Variants in ABI3BP observed in about 807,000 individuals in gnomAD.
ABI3BP encodes target of Nesh-SH3.
A neutral mutation model predicts 268.6 loss-of-function variants in ABI3BP; 216 were observed. The ratio of observed to expected loss-of-function variants is 0.80; its 90% CI spans 0.72 to 0.90. ABI3BP has a LOEUF of 0.90. Ranked by LOEUF, ABI3BP falls within the 40% of genes least tolerant of loss-of-function variation. The probability of loss-of-function intolerance (pLI) is 0.00; values close to 1 mark genes in which losing one functional copy is unlikely to be tolerated. For missense variants in ABI3BP, 2,090 were observed against 2,182.4 expected (o/e 0.96, Z 0.84); for synonymous variants, 730 against 730.0 (o/e 1.00, Z 0.00).
rs2098520609 is a variant in ABI3BP at position 100,833,146 on chromosome 3, T to C, written c.2293A>G (p.Ile765Val). 3.3e-6 allele frequency: 5 copies of C among 1,534,720 alleles called. No homozygotes were observed. The highest frequency in any genetic ancestry group is 3.5e-6 in the Non-Finnish European group (4 of 1,146,062). The change falls in exon 30 of 68, where the codon ATT (isoleucine) becomes GTT (valine). Residue 765 changes from isoleucine (I) to valine (V), a missense_variant. Coordinates refer to ENST00000471714, the MANE Select transcript of ABI3BP (RefSeq NM_001375547.2). The stretch of plus-strand genomic sequence containing the variant: ...TTACCTGAAGATGTCCCAGGAGTAA[T>C]AGGTCCAAAGTCTGTAGCAAGAAAT... The part of the protein sequence containing the change: ...TLQTKLDFGP[I>V]TPGTSSAPTT...
chr3:100,797,573 T>A (rs1479780249), intron 51 of ABI3BP, among the ~76,000 whole-genome samples: 1 of 151,910 alleles, frequency 6.6e-6, no homozygotes, highest in Non-Finnish European at 1.5e-5. Context: ...TTTTTTTTTT[T>A]TTTTTTTATT....
chr3:100,864,403 C>G, intron 11 of ABI3BP: 1 of 350,434 alleles, frequency 2.9e-6, no homozygotes, highest in South Asian at 5.8e-5. Context: ...CCATGAAATT[C>G]TTGTTTAAAA....
At chr3:100,816,623 T>G in intron 43 of ABI3BP, 65 bp downstream of exon 43, 1 of 1,305,552 alleles carries the variant, frequency 7.7e-7, no homozygotes, top group Non-Finnish European at 1.1e-6. Flanking sequence ...CTTTAGGACT[T>G]TATTGGGACA....
At chr3:100,837,297 T>C (rs1003026384) in intron 26 of ABI3BP, 126 bp from the exon 27 acceptor site, 8 of 631,892 alleles carry the variant, frequency 1.3e-5, no homozygotes, top group African/African-American at 1.9e-5. Context: ...TAAATTGCCT[T>C]CTTGATAGGC....
At chr3:100,954,258 A>C (rs975417452) in intron 1 of ABI3BP, among the ~76,000 whole-genome samples, 1 of 152,208 alleles carries the variant, frequency 6.6e-6, no homozygotes, top group African/African-American at 2.4e-5. Flanking sequence ...TGGAATCAGC[A>C]ATACAAACAG....
At chr3:100,860,168 C>G (rs1446073184) in intron 14 of ABI3BP, among the ~76,000 whole-genome samples, 1 of 152,178 alleles carries the variant, frequency 6.6e-6, no homozygotes, top group Non-Finnish European at 1.5e-5. Flanking sequence ...GAGTGGAGCC[C>G]AAGTTCTGCC....
Position 100,795,784 on chromosome 3 carries a change from C to T in ABI3BP, c.3865+20G>A. On this transcript the variant is annotated intron_variant, in intron 53 of 67. Transcript: ENST00000471714. The stretch of plus-strand genomic sequence containing the variant: ...TGGTAGCAAAGAAAACAGAGTTGGT[C>T]AATATGGGAAAACCATTACCTATTG... 7.8e-7 allele frequency: 1 copy of T among 1,283,692 alleles called. No homozygotes were observed. 79.5% of individuals were successfully genotyped at this position (1,283,692 alleles called of 1,614,324 possible).
chr3:100,941,041 A>G (rs1317488802), intron 1 of ABI3BP, among the ~76,000 whole-genome samples: 1 of 151,304 alleles, frequency 6.6e-6, no homozygotes, highest in African/African-American at 2.4e-5. Flanking sequence ...TACATTTAAA[A>G]TAATGTGCAG....
intron 10 of ABI3BP, among the ~76,000 whole-genome samples, chr3:100,865,866 G>A (rs533979830): frequency 9.9e-5 from 15 of 152,206 alleles, no homozygotes; most frequent in Admixed American, 4.6e-4. Flanking sequence ...TCACGTATAC[G>A]GAAGTCAAAA....
intron 59 of ABI3BP, among the ~76,000 whole-genome samples, chr3:100,777,621 C>T (rs1391268262): frequency 6.6e-6 from 1 of 152,132 alleles, no homozygotes; most frequent in East Asian, 1.9e-4. Context: ...GAAGCAGTGC[C>T]AAGACTACCT....
rs2096663801 is a variant in ABI3BP, at chr3:100,775,139, C to T, written c.4462+68G>A. Reference sequence around the variant, plus strand: ...ACCTCAAACTGAGACTCACCCATCCCCACCAACATTTAAAATCTTTTGCAC... The same window carrying T: ...ACCTCAAACTGAGACTCACCCATCCTCACCAACATTTAAAATCTTTTGCAC... On this transcript the variant is annotated intron_variant, in intron 60 of 67. Transcript: ENST00000471714. The T allele has an allele frequency of 5.1e-6, 8 of 1,559,678 alleles. No individual in the cohort carries two copies. The South Asian group carries it at 8.5e-5, about 17-fold the overall frequency.
intron 1 of ABI3BP, among the ~76,000 whole-genome samples, chr3:100,941,221 C>T (rs557473645): frequency 1.3e-5 from 2 of 151,876 alleles, no homozygotes; most frequent in African/African-American, 2.4e-5. Flanking sequence ...CAGAACAGCA[C>T]GTTCCCTCTC....
chr3:100,966,291 TCATC>T (rs1193741068), intron 1 of ABI3BP, among the ~76,000 whole-genome samples: 6 of 152,236 alleles, frequency 3.9e-5, no homozygotes, highest in Non-Finnish European at 7.3e-5. Context: ...GGTAAGACCT[TCATC>T]CATCACCTTA....
At position 100,750,500 on chromosome 3, in the gene ABI3BP, A is replaced by G. The variant is rs1446926113; in HGVS notation, c.5356T>C (p.Trp1786Arg). The change falls in exon 68 of 68, where the codon TGG (tryptophan) becomes CGG (arginine). Residue 1786 changes from tryptophan to arginine, a missense_variant. Coordinates refer to ENST00000471714, the MANE Select transcript of ABI3BP (RefSeq NM_001375547.2). The stretch of plus-strand genomic sequence containing the variant: ...AAGGTAACTTTGTGCAGCATCTACC[A>G]TTTTCCAGGAATTGTAGTCCCACAT... ...YECGTTIPGK[W>R] 1 of 1,610,602 alleles carries G rather than the reference A, an allele frequency of 6.2e-7. No individual in the cohort carries two copies. Among genetic ancestry groups the G allele is most frequent in the African/African-American group, 1.3e-5 (1 of 74,802 alleles).
In ABI3BP at chr3:100,749,559, T is replaced by TAAAC. The variant is rs879155784; in HGVS notation, c.*932_*935dup. The TAAAC allele has an allele frequency of 1.3e-5, 4 of 319,850 alleles. No individual in the cohort carries two copies. The highest frequency in any genetic ancestry group is 7.0e-5 in the African/African-American group (3 of 42,694). 19.8% of individuals were successfully genotyped at this position (319,850 alleles called of 1,614,324 possible). On this transcript the variant is annotated 3_prime_UTR_variant, in exon 68 of 68. Transcript: ENST00000471714. The stretch of plus-strand genomic sequence containing the variant: ...GTTAGATTTTTATTACAGATTGAAT[T>TAAAC]AAACAGTTACAAAGACATTCTCTGA...
rs571407407 is a variant in ABI3BP, at chr3:100,945,864, G to A, written c.80-19383C>T. Among the ~76,000 whole-genome samples, 24 of 151,972 alleles carry A rather than the reference G, an allele frequency of 1.6e-4. 1 individual carries two copies. Among genetic ancestry groups the A allele is most frequent in the South Asian group, 6.2e-4 (3 of 4,826 alleles). On this transcript the variant is annotated intron_variant, in intron 1 of 67. Transcript: ENST00000471714. ...TAGGTGTAAAATTGTTCAGTCATAC[G>A]GTAAGTTAATGCATAATTTATTAAG...
intron 49 of ABI3BP, among the ~76,000 whole-genome samples, chr3:100,809,677 C>CAG (rs1379176309): frequency 6.6e-6 from 1 of 152,000 alleles, no homozygotes; most frequent in Non-Finnish European, 1.5e-5. Flanking sequence ...CCCTTGGAAA[C>CAG]AGAGTCATAT....
intron 67 of ABI3BP, among the ~76,000 whole-genome samples, chr3:100,751,053 C>G (rs2149183654): frequency 6.6e-6 from 1 of 152,246 alleles, no homozygotes; most frequent in Admixed American, 6.5e-5. Flanking sequence ...GATTAATTTT[C>G]AGTCTTATTC....
rs1446118018 is a variant in ABI3BP, at chr3:100,841,883, G to A, written c.1765+115C>T. ...CCAGCCTGGGCAAAAAAACGAGAGT[G>A]AAACTTCATCTGGAGAAGAAAAAAA... On this transcript the variant is annotated intron_variant, in intron 21 of 67. Coordinates refer to ENST00000471714, the MANE Select transcript of ABI3BP (RefSeq NM_001375547.2). 7 of 896,088 alleles carry A rather than the reference G, an allele frequency of 7.8e-6. No homozygotes were observed. In the African/African-American group the frequency reaches 9.6e-5, roughly 12 times the overall value. The allele number at this position is 896,088 out of a possible 1,614,324, so 55.5% of individuals were successfully genotyped here. A position where few individuals can be genotyped will look rare whatever the true frequency, so the allele number is the denominator to read the frequency against.
Sources: allele counts gnomAD v4.1 joint callset (sites outside exome capture counted in the v4.1 genomes callset), GRCh38; gene constraint gnomAD v4.1.1; transcripts MANE v1.5; gene names NCBI Gene and HGNC (gene_info 2026-07-23, HGNC 2026-07-21).